STXBP4: variants seen among roughly 807,000 people sequenced by gnomAD.
STXBP4 encodes the protein syntaxin-binding protein 4.
Under a neutral mutation model 76.1 loss-of-function variants are expected in STXBP4, and 55 were observed. The observed-to-expected ratio is 0.72, with a 90% CI of 0.58 to 0.91. The LOEUF is 0.91. Ranked by LOEUF, STXBP4 falls within the 40% of genes least tolerant of loss-of-function variation. The probability of loss-of-function intolerance (pLI) is 0.00; values close to 1 mark genes in which losing one functional copy is unlikely to be tolerated. For missense variants in STXBP4, 618 were observed against 636.9 expected (o/e 0.97, Z 0.32); for synonymous variants, 201 against 220.2 (o/e 0.91, Z 0.77).
intron 16 of STXBP4, among the ~76,000 whole-genome samples, chr17:55,115,442 T>A (rs2145070381): frequency 6.6e-6 from 1 of 152,016 alleles, no homozygotes; most frequent in Non-Finnish European, 1.5e-5. Context: ...TTTCATTTGT[T>A]CAGGGTTGAC....
intron 8 of STXBP4, chr17:55,030,789 A>G (rs2078493836): frequency 6.1e-6 from 1 of 163,716 alleles, no homozygotes; most frequent in Admixed American, 6.2e-5. Flanking sequence ...TTCTGCTCTC[A>G]AAGGCAAGAT....
intron 1 of STXBP4, among the ~76,000 whole-genome samples, chr17:54,983,569 A>T (rs761373691): frequency 6.6e-6 from 1 of 151,812 alleles, no homozygotes; most frequent in African/African-American, 2.4e-5. Flanking sequence ...CTAATGCCAT[A>T]TTACTAGCCC....
At chr17:55,001,920 C>T (rs983543636) in intron 7 of STXBP4, among the ~76,000 whole-genome samples, 3 of 152,184 alleles carry the variant, frequency 2.0e-5, no homozygotes, top group Non-Finnish European at 2.9e-5. Context: ...GCGTGAGCCA[C>T]CGCTCGTGCC....
Position 55,089,413 on chromosome 17 carries a change from T to C in STXBP4, c.1489+8230T>C, listed in dbSNP as rs115339533. Among the ~76,000 whole-genome samples, 894 of 152,320 alleles carry C rather than the reference T, an allele frequency of 5.9e-3. 10 individuals are homozygous for C. The highest frequency in any genetic ancestry group is 0.02 in the African/African-American group (837 of 41,576). The stretch of plus-strand genomic sequence containing the variant: ...TGTTATTATTGATGTTGTGTTAGAA[T>C]GTAATTGTCACCGGAAACTGTGGCT... On this transcript the variant is annotated intron_variant, in intron 16 of 17. Transcript: ENST00000376352.
At chr17:54,970,226 A>T (rs2077372986) in intron 1 of STXBP4, among the ~76,000 whole-genome samples, 1 of 152,222 alleles carries the variant, frequency 6.6e-6, no homozygotes, top group Admixed American at 6.5e-5. Context: ...AAGGGTTTGG[A>T]TTTTATTCTA....
At position 55,160,598 on chromosome 17, in the gene STXBP4, T is replaced by C. The variant is rs244304; in HGVS notation, c.*687T>C. Reference sequence around the variant, plus strand: ...CACCGAGACTCACTCCTAAGTCTTCTGATTCCATGAGCAGTCCCCCTTCCC... The same window carrying C: ...CACCGAGACTCACTCCTAAGTCTTCCGATTCCATGAGCAGTCCCCCTTCCC... On this transcript the variant is annotated 3_prime_UTR_variant, in exon 18 of 18. Coordinates refer to ENST00000376352, the MANE Select transcript of STXBP4 (RefSeq NM_178509.6). 0.24 allele frequency: 37,035 copies of C among 152,540 alleles called. 4,936 individuals carry two copies. The highest frequency in any genetic ancestry group is 0.31 in the South Asian group (1,482 of 4,784). 9.4% of individuals were successfully genotyped at this position (152,540 alleles called of 1,614,324 possible). A position where few individuals can be genotyped will look rare whatever the true frequency, so the allele number is the denominator to read the frequency against.
intron 8 of STXBP4, among the ~76,000 whole-genome samples, chr17:55,027,932 C>G (rs1390735500): frequency 1.3e-5 from 2 of 151,874 alleles, no homozygotes; most frequent in Non-Finnish European, 1.5e-5. Flanking sequence ...TACATATATG[C>G]TTTTAGTATA....
the STXBP4 span, among the ~76,000 whole-genome samples, chr17:55,187,589 G>T: frequency 2.0e-5 from 3 of 152,094 alleles, no homozygotes; most frequent in Non-Finnish European, 4.4e-5. Flanking sequence ...CTCTCCAAAT[G>T]GATTCAGGAA....
At chr17:55,157,581 T>C (rs2080293779) in intron 17 of STXBP4, among the ~76,000 whole-genome samples, 1 of 152,254 alleles carries the variant, frequency 6.6e-6, no homozygotes, top group African/African-American at 2.4e-5. Context: ...TTTGAAGCTG[T>C]GAAGATGCCT....
At chr17:55,044,492 C>A (rs1314045057) in intron 11 of STXBP4, 1 of 151,784 alleles carries the variant, frequency 6.6e-6, no homozygotes, top group Non-Finnish European at 1.5e-5. Context: ...TTTCTCTACA[C>A]AGAAAATTAT....
At chr17:55,153,821 C>T (rs549953375) in intron 17 of STXBP4, among the ~76,000 whole-genome samples, 154 of 152,158 alleles carry the variant, frequency 1.0e-3, no homozygotes, top group Non-Finnish European at 1.8e-3. Flanking sequence ...ATTTAGTATT[C>T]GTTAATCTGT....
chr17:55,176,138 C>A (rs531427981), downstream of STXBP4, among the ~76,000 whole-genome samples: 1 of 152,208 alleles, frequency 6.6e-6, no homozygotes, highest in East Asian at 1.9e-4. Flanking sequence ...CAGATGCTGC[C>A]CATGGATGAG....
chr17:55,034,148 T>C lies in STXBP4; in HGVS notation c.764-20T>C, dbSNP rs773422850. 1 of 1,600,024 alleles carries C rather than the reference T, an allele frequency of 6.2e-7. No homozygotes were observed. Among genetic ancestry groups the C allele is most frequent in the Non-Finnish European group, 8.6e-7 (1 of 1,168,270 alleles). On this transcript the variant is annotated intron_variant, in intron 9 of 17. Transcript: ENST00000376352. ...AAGGGGTTAAATGCCATGTTCTTACTTAAATGTGTTCCATTTTAGATTTTG... is the reference window on the plus strand; with the variant it reads ...AAGGGGTTAAATGCCATGTTCTTACCTAAATGTGTTCCATTTTAGATTTTG...
At chr17:55,021,527 A>G (rs986154998) in intron 8 of STXBP4, among the ~76,000 whole-genome samples, 3 of 152,082 alleles carry the variant, frequency 2.0e-5, no homozygotes, top group African/African-American at 2.4e-5. Flanking sequence ...AAAAATAATC[A>G]TAATCATAAT....
chr17:54,990,579 T>A (rs2077699752), intron 3 of STXBP4, among the ~76,000 whole-genome samples: 1 of 152,156 alleles, frequency 6.6e-6, no homozygotes, highest in South Asian at 2.1e-4. Flanking sequence ...TATATTACAA[T>A]GTAATAATAA....
the STXBP4 span, among the ~76,000 whole-genome samples, chr17:55,182,332 C>T: frequency 1.3e-5 from 2 of 152,040 alleles, no homozygotes; most frequent in Non-Finnish European, 2.9e-5. Context: ...TTAAGAACTC[C>T]ATGATGTGTT....
intron 11 of STXBP4, chr17:55,044,430 A>G (rs1415082044): frequency 6.6e-6 from 1 of 151,826 alleles, no homozygotes; most frequent in Admixed American, 6.6e-5. Context: ...TATAATCTCA[A>G]CCTCTAGAGG....
chr17:55,035,312 CT>C (rs2078579714), intron 10 of STXBP4, among the ~76,000 whole-genome samples: 1 of 151,642 alleles, frequency 6.6e-6, no homozygotes, highest in South Asian at 2.1e-4. Context: ...TTATACAATT[CT>C]TTTAAATGTT....
intron 13 of STXBP4, among the ~76,000 whole-genome samples, chr17:55,073,820 G>A (rs1414509161): frequency 6.6e-6 from 1 of 152,082 alleles, no homozygotes; most frequent in African/African-American, 2.4e-5. Flanking sequence ...GTAGAGACAG[G>A]GTTTCACCAT....
Sources: allele counts gnomAD v4.1 joint callset (sites outside exome capture counted in the v4.1 genomes callset), GRCh38; gene constraint gnomAD v4.1.1; transcripts MANE v1.5; gene names NCBI Gene and HGNC (gene_info 2026-07-23, HGNC 2026-07-21).